The following PHLPP1 variants were observed in gnomAD, a reference collection of about 807,000 sequenced individuals.
The protein encoded by PHLPP1 is PH domain leucine-rich repeat-containing protein phosphatase 1.
PHLPP1 carries 42 observed loss-of-function variants against 117.2 expected under a neutral mutation model. The observed-to-expected ratio is 0.36, with a 90% CI of 0.28 to 0.46. PHLPP1 has a LOEUF of 0.46. Among genes scored for constraint, PHLPP1 ranks in the 20% least tolerant of loss-of-function variants. The pLI is 1.00. For missense variants in PHLPP1, 2,084 were observed against 2,241.9 expected, an observed-to-expected ratio of 0.93 and a Z score of 1.42; for synonymous variants, 1,042 against 970.7, an observed-to-expected ratio of 1.07 and a Z score of -1.37.
In PHLPP1 at chr18:62,978,596, T is replaced by C. The variant is rs1252974705; in HGVS notation, c.4319T>C (p.Val1440Ala). 1 of 1,612,928 alleles carries C rather than the reference T, an allele frequency of 6.2e-7. No individual in the cohort carries two copies. The highest frequency in any genetic ancestry group is 8.5e-7 in the Non-Finnish European group (1 of 1,178,964). ...TGCGAGCTCAGCGCCGGTGGGGCTG[T>C]GCCACCACCCAGTCCTGGCATCTTT... is the stretch of plus-strand genomic sequence containing the variant. ...CCCELSAGGA[V>A]PPPSPGIFPP... Residue 1440 changes from valine (V) to alanine (A), a missense_variant, in exon 17 of 17, where the codon GTG becomes GCG. This residue lies in a region of PHLPP1 where 1,365 missense variants were observed against 1,605.9 expected (regional missense o/e 0.85). Transcript: ENST00000262719. This position sits in a 1 kb window ranked among gnomAD's most constrained non-coding sequence, Gnocchi z 7.0.
intron 4 of PHLPP1, among the ~76,000 whole-genome samples, chr18:62,873,621 G>T (rs1226350795): frequency 6.6e-6 from 1 of 152,130 alleles, no homozygotes; most frequent in Non-Finnish European, 1.5e-5. Context: ...GTCCTAGCTG[G>T]TTCTAGAAAT....
chr18:62,780,928 C>G (rs928812911), intron 1 of PHLPP1, among the ~76,000 whole-genome samples: 1 of 152,180 alleles, frequency 6.6e-6, no homozygotes, highest in Non-Finnish European at 1.5e-5. Flanking sequence ...GTTTTCAATG[C>G]CAGTGGAACT....
intron 4 of PHLPP1, among the ~76,000 whole-genome samples, chr18:62,888,193 G>A (rs1180423032): frequency 6.6e-6 from 1 of 151,682 alleles, no homozygotes. Context: ...TATCTATGTT[G>A]AACAGCTATG....
intron 10 of PHLPP1, among the ~76,000 whole-genome samples, chr18:62,940,300 CTTAGTTATAAAA>C (rs200767525): frequency 0.048 from 6,139 of 127,980 alleles, 186 homozygotes; most frequent in South Asian, 0.076. Flanking sequence ...TTTTACTTAT[CTTAGTTATAAAA>C]CCATTCTTTA....
intron 1 of PHLPP1, among the ~76,000 whole-genome samples, chr18:62,824,616 A>G (rs567005981): frequency 6.6e-6 from 1 of 152,294 alleles, no homozygotes; most frequent in African/African-American, 2.4e-5. Context: ...AGTTTACTGT[A>G]TGTCTTTTAT....
intron 1 of PHLPP1, among the ~76,000 whole-genome samples, chr18:62,756,699 A>G (rs1912032437): frequency 6.6e-6 from 1 of 152,188 alleles, no homozygotes; most frequent in Non-Finnish European, 1.5e-5. Context: ...ACTTTTTCTT[A>G]AGAAAAATTC....
chr18:62,968,762 C>T (rs1205000923), intron 14 of PHLPP1, among the ~76,000 whole-genome samples: 1 of 151,904 alleles, frequency 6.6e-6, no homozygotes, highest in Non-Finnish European at 1.5e-5. Flanking sequence ...TGATCTCGAA[C>T]TCCTCAAATG....
At chr18:62,965,067 AAAAT>A (rs1049214015) in intron 14 of PHLPP1, among the ~76,000 whole-genome samples, 2 of 152,210 alleles carry the variant, frequency 1.3e-5, no homozygotes, top group African/African-American at 4.8e-5. Flanking sequence ...TTGAAAGAGA[AAAAT>A]AAATAAATAA....
At chr18:62,759,388 T>TG (rs1371315375) in intron 1 of PHLPP1, among the ~76,000 whole-genome samples, 1 of 152,254 alleles carries the variant, frequency 6.6e-6, no homozygotes, top group Non-Finnish European at 1.5e-5. Flanking sequence ...GAGATTCTGT[T>TG]GTGTTTGCAG....
At chr18:62,975,979 C>G (rs1333448448) in intron 16 of PHLPP1, among the ~76,000 whole-genome samples, 2 of 152,202 alleles carry the variant, frequency 1.3e-5, no homozygotes, top group Non-Finnish European at 2.9e-5. Flanking sequence ...GACCTTTAAA[C>G]CTCTCTAAGC....
intron 1 of PHLPP1, among the ~76,000 whole-genome samples, chr18:62,734,508 T>C (rs891436493): frequency 2.0e-5 from 3 of 152,246 alleles, no homozygotes; most frequent in African/African-American, 7.2e-5. Context: ...CTTGAGTAGA[T>C]GGCAGTGGCT....
In PHLPP1 at chr18:62,978,463, C is replaced by G; in HGVS notation, c.4186C>G (p.Leu1396Val). 2 of 1,609,906 alleles carry G rather than the reference C, an allele frequency of 1.2e-6. No homozygotes were observed. The highest frequency in any genetic ancestry group is 1.7e-6 in the Non-Finnish European group (2 of 1,178,136). The change falls in exon 17 of 17, where the codon CTG (leucine) becomes GTG (valine). Residue 1396 changes from leucine to valine, a missense_variant. Physicochemically the swap from Leu to Val is conservative, Grantham distance 32 (BLOSUM62 1). Around this residue, in one of 2 missense-constraint regions of PHLPP1, gnomAD observed 1,365 missense variants for 1,605.9 expected, o/e 0.85. Coordinates refer to ENST00000262719, the MANE Select transcript of PHLPP1 (RefSeq NM_194449.4). The surrounding 1 kb of genome is among the most constrained non-coding windows in gnomAD (Gnocchi z 7.0). ...VEAVRNVPDA[L>V]AAAKKLCTLA... ...AGCCGTGCGCAACGTGCCCGATGCC[C>G]TGGCTGCTGCCAAGAAGCTGTGTAC...
chr18:62,861,434 GGACTT>G (rs1915630495), intron 4 of PHLPP1, among the ~76,000 whole-genome samples: 1 of 152,068 alleles, frequency 6.6e-6, no homozygotes, highest in African/African-American at 2.4e-5. Context: ...TAGAAGAGAG[GGACTT>G]GACTTGCATG....
intron 6 of PHLPP1, among the ~76,000 whole-genome samples, chr18:62,900,699 C>T (rs1345985763): frequency 6.6e-6 from 1 of 151,982 alleles, no homozygotes; most frequent in Non-Finnish European, 1.5e-5. Context: ...GAACCTTCTA[C>T]TTCAGCCTCC....
intron 1 of PHLPP1, among the ~76,000 whole-genome samples, chr18:62,746,377 A>G (rs1911674129): frequency 6.6e-6 from 1 of 152,134 alleles, no homozygotes; most frequent in African/African-American, 2.4e-5. Context: ...TTTTCCTCAA[A>G]TGTTAGCACT....
chr18:62,789,467 T>C (rs1398876614), intron 1 of PHLPP1, among the ~76,000 whole-genome samples: 1 of 152,188 alleles, frequency 6.6e-6, no homozygotes, highest in Non-Finnish European at 1.5e-5. Context: ...GTAAAACATC[T>C]GAATTGTTCC....
At chr18:62,952,280 G>A (rs1005271179) in intron 12 of PHLPP1, among the ~76,000 whole-genome samples, 8 of 152,094 alleles carry the variant, frequency 5.3e-5, no homozygotes, top group African/African-American at 1.9e-4. Context: ...AAAAAAGAAG[G>A]GATGATGTAA....
rs112660952 is a variant in PHLPP1 at position 62,716,492 on chromosome 18, G to A, written c.809G>A (p.Arg270Gln). The A allele has an allele frequency of 9.1e-6, 11 of 1,211,052 alleles. No individual in the cohort carries two copies. The highest frequency in any genetic ancestry group is 1.6e-5 in the African/African-American group (1 of 62,928). 75.0% of individuals were successfully genotyped at this position (1,211,052 alleles called of 1,614,324 possible). ...PAEPPPEAGP[R>Q]LAPPEPRDSE... Reference sequence around the variant, plus strand: ...GAACCGCCCCCCGAGGCCGGCCCCCGGCTGGCGCCCCCGGAGCCGCGGGAC... The same window carrying A: ...GAACCGCCCCCCGAGGCCGGCCCCCAGCTGGCGCCCCCGGAGCCGCGGGAC... Residue 270 changes from arginine (R) to glutamine (Q), a missense_variant, in exon 1 of 17, where the codon CGG becomes CAG. Physicochemically the swap from Arg to Gln is conservative, Grantham distance 43. Transcript: ENST00000262719. This position sits in a 1 kb window ranked among gnomAD's most constrained non-coding sequence, Gnocchi z 5.7.
At chr18:62,932,645 C>A (rs1251251631) in intron 10 of PHLPP1, among the ~76,000 whole-genome samples, 1 of 152,130 alleles carries the variant, frequency 6.6e-6, no homozygotes, top group Non-Finnish European at 1.5e-5. Flanking sequence ...CTATGACAAA[C>A]CCACAGCCAA....
Sources: gnomAD v4.1 joint callset for allele counts (sites outside exome capture counted in the v4.1 genomes callset) on GRCh38, gnomAD v4.1.1 for gene constraint, gnomAD v4.1.1 regional missense constraint, Gnocchi (gnomAD v3.1) non-coding constraint, MANE v1.5 for transcripts, NCBI Gene and HGNC (gene_info 2026-07-23, HGNC 2026-07-21) for gene names.